The following ZNF385D variants were observed in gnomAD, a reference collection of about 807,000 sequenced individuals.
ZNF385D encodes zinc finger protein 659.
Under a neutral mutation model 35.8 loss-of-function variants are expected in ZNF385D, and 15 were observed. That is an observed-to-expected ratio of 0.42 (90% CI 0.28 to 0.64). ZNF385D has a LOEUF of 0.64. Ranked by LOEUF, ZNF385D falls within the 30% of genes least tolerant of loss-of-function variation. The pLI is 0.23. For missense variants in ZNF385D, 474 were observed against 494.6 expected (o/e 0.96, Z 0.39); for synonymous variants, 212 against 186.8 (o/e 1.13, Z -1.10).
rs191468270 is a variant in ZNF385D, at chr3:21,863,576, T to C, written c.326-198548A>G. 7.4e-4 allele frequency among the ~76,000 whole-genome samples: 113 copies of C among 152,280 alleles called. No homozygotes were observed. In the East Asian group the frequency reaches 0.019, roughly 26 times the overall value. On this transcript the variant is annotated intron_variant, in intron 3 of 5. Coordinates refer to the ZNF385D transcript ENST00000494108. ...TATGTTTCCCAGGGCTAGCTAGTAG[T>C]TAACCTAATTGCACTTAAGGGTTGG...
At position 22,044,960 on chromosome 3, in the gene ZNF385D, C is replaced by A. The variant is rs181833977; in HGVS notation, c.325+123857G>T. ...GAGAGGTACATAAAAAAAGACTGAG[C>A]TGAGATTGTGCCACTGCCCTCCAGC... On this transcript the variant is annotated intron_variant, in intron 3 of 5. Transcript: ENST00000494108. Among the ~76,000 whole-genome samples, 260 of 152,220 alleles carry A rather than the reference C, an allele frequency of 1.7e-3. 1 individual carries two copies. Among genetic ancestry groups the A allele is most frequent in the African/African-American group, 5.9e-3 (246 of 41,548 alleles).
At chr3:21,926,720 C>T (rs1280657059) in intron 3 of ZNF385D, among the ~76,000 whole-genome samples, 1 of 152,134 alleles carries the variant, frequency 6.6e-6, no homozygotes, top group Non-Finnish European at 1.5e-5. Flanking sequence ...TAGGCAATAC[C>T]ATTCAGGGCA....
upstream of ZNF385D, among the ~76,000 whole-genome samples, chr3:21,753,620 A>G (rs547131825): frequency 6.6e-5 from 10 of 152,232 alleles, no homozygotes; most frequent in Non-Finnish European, 1.5e-4. Flanking sequence ...ATTAAGGCTT[A>G]TCTGGAATGT....
intron 2 of ZNF385D, among the ~76,000 whole-genome samples, chr3:21,612,895 T>G (rs1220130063): frequency 6.6e-6 from 1 of 152,150 alleles, no homozygotes; most frequent in Non-Finnish European, 1.5e-5. Context: ...TGAAGAAATT[T>G]TCACAGTCCT....
At chr3:21,692,039 G>A (rs891677564) in intron 1 of ZNF385D, among the ~76,000 whole-genome samples, 1 of 152,104 alleles carries the variant, frequency 6.6e-6, no homozygotes, top group African/African-American at 2.4e-5. Context: ...ATCCATCCAT[G>A]TTGTAGCACA....
chr3:22,180,222 G>A (rs572408452), intron 2 of ZNF385D, among the ~76,000 whole-genome samples: 17 of 151,996 alleles, frequency 1.1e-4, no homozygotes, highest in Non-Finnish European at 2.2e-4. Flanking sequence ...TACACCCTCC[G>A]AAGACTAAAC....
chr3:21,539,237 C>T lies in ZNF385D; in HGVS notation c.276+25337G>A, dbSNP rs756263784. On this transcript the variant is annotated intron_variant, in intron 3 of 7. Transcript: ENST00000281523. The surrounding 1 kb of genome is among the most constrained non-coding windows in gnomAD (Gnocchi z 4.0). ...GAATGTTTAGTTCAGCTTTTCAAAA[C>T]ACTGAATGCCTATTCAGTGCTGTGT... 5.9e-5 allele frequency among the ~76,000 whole-genome samples: 9 copies of T among 151,700 alleles called. No individual in the cohort carries two copies. Among genetic ancestry groups the T allele is most frequent in the Non-Finnish European group, 1.3e-4 (9 of 68,008 alleles).
intron 4 of ZNF385D, chr3:21,443,348 G>GAA: frequency 1.0e-6 from 1 of 985,298 alleles, no homozygotes; most frequent in Non-Finnish European, 1.2e-6. Flanking sequence ...GTTGCTAGGC[G>GAA]AAACTTGATA....
chr3:21,512,620 A>C (rs1310751184), intron 3 of ZNF385D, among the ~76,000 whole-genome samples: 1 of 152,232 alleles, frequency 6.6e-6, no homozygotes, highest in African/African-American at 2.4e-5. Flanking sequence ...GAGCACACTC[A>C]TGCATCAGTT....
intron 2 of ZNF385D, among the ~76,000 whole-genome samples, chr3:22,277,233 G>A (rs941498716): frequency 6.6e-6 from 1 of 152,068 alleles, no homozygotes; most frequent in African/African-American, 2.4e-5. Context: ...CAGAGCTGTG[G>A]GTTCAACAAA....
chr3:22,132,087 A>G (rs1018641040), intron 3 of ZNF385D, among the ~76,000 whole-genome samples: 32 of 152,186 alleles, frequency 2.1e-4, no homozygotes, highest in Admixed American at 1.7e-3. Context: ...GTATATGCAA[A>G]GAAGTGATTA....
At chr3:21,909,295 T>C (rs1699844992) in intron 3 of ZNF385D, among the ~76,000 whole-genome samples, 1 of 152,042 alleles carries the variant, frequency 6.6e-6, no homozygotes, top group South Asian at 2.1e-4. Context: ...CTCCTGCCCC[T>C]TTTCTCTTTT....
intron 3 of ZNF385D, among the ~76,000 whole-genome samples, chr3:22,089,418 G>T (rs1701210838): frequency 6.6e-6 from 1 of 152,204 alleles, no homozygotes; most frequent in African/African-American, 2.4e-5. Flanking sequence ...GGACGCTGGA[G>T]GAAGAAAGGG....
intron 3 of ZNF385D, among the ~76,000 whole-genome samples, chr3:21,856,676 G>T (rs2125821247): frequency 6.6e-6 from 1 of 152,102 alleles, no homozygotes; most frequent in African/African-American, 2.4e-5. Flanking sequence ...CCCAGTCCAA[G>T]CCACCATCAT....
intron 4 of ZNF385D, among the ~76,000 whole-genome samples, chr3:21,476,666 T>C (rs1475902496): frequency 2.6e-5 from 4 of 152,084 alleles, no homozygotes. Flanking sequence ...TCTTTTGAGA[T>C]TACATTTTTA....
chr3:22,277,164 A>G (rs1479301473), intron 2 of ZNF385D, among the ~76,000 whole-genome samples: 1 of 152,154 alleles, frequency 6.6e-6, no homozygotes, highest in Non-Finnish European at 1.5e-5. Flanking sequence ...TAAAAAATGA[A>G]ATAGAGATTT....
At chr3:21,424,319 T>TATTTATATATATATATATATATATATATA (rs1160001393) in intron 6 of ZNF385D, among the ~76,000 whole-genome samples, 2 of 28,162 alleles carry the variant, frequency 7.1e-5, no homozygotes, top group African/African-American at 2.9e-4. Flanking sequence ...ATATATATAT[T>TATTTATATATATATATATATATATATATA]TTTTTTTTTT....
chr3:21,810,171 G>C (rs2072849449), intron 3 of ZNF385D, among the ~76,000 whole-genome samples: 1 of 152,040 alleles, frequency 6.6e-6, no homozygotes, highest in African/African-American at 2.4e-5. Flanking sequence ...AATCTACAAT[G>C]TATAAAAAGA....
At chr3:21,551,348 G>A (rs1052829165) in intron 3 of ZNF385D, among the ~76,000 whole-genome samples, 3 of 152,210 alleles carry the variant, frequency 2.0e-5, no homozygotes, top group African/African-American at 7.2e-5. Context: ...ACATGGCCTT[G>A]TACAAATCTA....
Sources: allele counts gnomAD v4.1 joint callset (sites outside exome capture counted in the v4.1 genomes callset), GRCh38; gene constraint gnomAD v4.1.1; non-coding constraint Gnocchi (gnomAD v3.1); transcripts MANE v1.5; gene names NCBI Gene and HGNC (gene_info 2026-07-23, HGNC 2026-07-21).